NRXN3: variants seen among roughly 807,000 people sequenced by gnomAD.
NRXN3 encodes the protein neurexin III.
A neutral mutation model predicts 137.6 loss-of-function variants in NRXN3; 32 were observed. The observed-to-expected ratio is 0.23, with a 90% CI of 0.18 to 0.31. The LOEUF (loss-of-function observed/expected upper bound fraction) is 0.31. NRXN3 is among the 10% of genes least tolerant of loss of function. NRXN3 has a pLI of 1.00. For missense variants in NRXN3, 1,574 were observed against 2,062.5 expected (o/e 0.76, Z 4.59); for synonymous variants, 798 against 784.5 (o/e 1.02, Z -0.29).
chr14:78,518,774 C>T (rs1007087851), intron 4 of NRXN3, among the ~76,000 whole-genome samples: 1 of 152,068 alleles, frequency 6.6e-6, no homozygotes, highest in African/African-American at 2.4e-5. Flanking sequence ...TGGATACATC[C>T]TGAGGCAGGT....
chr14:79,739,323 G>A (rs1210304063), intron 19 of NRXN3, among the ~76,000 whole-genome samples: 1 of 152,034 alleles, frequency 6.6e-6, no homozygotes, highest in African/African-American at 2.4e-5. Flanking sequence ...AAAATGATTG[G>A]AGAAATACAA....
intron 2 of NRXN3, among the ~76,000 whole-genome samples, chr14:78,259,248 T>C (rs1429001340): frequency 6.6e-6 from 1 of 152,222 alleles, no homozygotes; most frequent in African/African-American, 2.4e-5. Context: ...ACAGAGTTTC[T>C]GGCTCTTAGA....
At chr14:78,915,861 G>C (rs1245013953) in intron 10 of NRXN3, among the ~76,000 whole-genome samples, 1 of 152,050 alleles carries the variant, frequency 6.6e-6, no homozygotes, top group African/African-American at 2.4e-5. Flanking sequence ...CCCAAGACAA[G>C]ACACTCAAGA....
At chr14:78,606,557 C>T (rs780004405) in intron 4 of NRXN3, among the ~76,000 whole-genome samples, 7 of 152,174 alleles carry the variant, frequency 4.6e-5, no homozygotes, top group Admixed American at 6.5e-5. Flanking sequence ...CGGTCTCTCC[C>T]GCTAGGCTGT....
chr14:79,608,790 T>G (rs1390369750), intron 16 of NRXN3, among the ~76,000 whole-genome samples: 4 of 152,170 alleles, frequency 2.6e-5, no homozygotes, highest in African/African-American at 9.7e-5. Flanking sequence ...TGATTTTTTT[T>G]TTCCTGCATA....
intron 15 of NRXN3, among the ~76,000 whole-genome samples, chr14:79,406,369 A>G (rs1599818339): frequency 6.6e-6 from 1 of 151,358 alleles, no homozygotes; most frequent in Admixed American, 6.6e-5. Flanking sequence ...CAGTGATTCA[A>G]TCCTGGCTCA....
intron 19 of NRXN3, among the ~76,000 whole-genome samples, chr14:79,706,001 A>T (rs534940052): frequency 5.0e-4 from 66 of 132,762 alleles, no homozygotes; most frequent in African/African-American, 1.7e-3. Flanking sequence ...ACCATCCACC[A>T]GTACCTTCTC....
At chr14:78,289,569 C>T (rs2075568211) in intron 3 of NRXN3, among the ~76,000 whole-genome samples, 1 of 151,716 alleles carries the variant, frequency 6.6e-6, no homozygotes, top group Admixed American at 6.6e-5. Flanking sequence ...ACTCTCTGTT[C>T]ATGCCAAATG....
intron 15 of NRXN3, among the ~76,000 whole-genome samples, chr14:79,434,301 C>T (rs776511590): frequency 2.1e-4 from 32 of 152,074 alleles, no homozygotes; most frequent in Admixed American, 1.2e-3. Flanking sequence ...GGCAGCCATG[C>T]GCACAGGTGC....
At chr14:79,386,010 A>G (rs944077666) in intron 15 of NRXN3, among the ~76,000 whole-genome samples, 8 of 152,206 alleles carry the variant, frequency 5.3e-5, no homozygotes, top group Non-Finnish European at 1.2e-4. Context: ...CTGAATGGGC[A>G]AAAACTGGAA....
At chr14:79,393,487 AAAG>A (rs2094920646) in intron 15 of NRXN3, among the ~76,000 whole-genome samples, 1 of 152,230 alleles carries the variant, frequency 6.6e-6, no homozygotes, top group African/African-American at 2.4e-5. Context: ...AGCCTGTTAC[AAAG>A]AAGAACAAAT....
chr14:79,103,939 G>A (rs765344017), intron 15 of NRXN3, among the ~76,000 whole-genome samples: 6 of 152,208 alleles, frequency 3.9e-5, no homozygotes, highest in Middle Eastern at 6.8e-3. Flanking sequence ...ATCTGCACAA[G>A]CAATAGACAC....
intron 14 of NRXN3, among the ~76,000 whole-genome samples, chr14:78,983,309 A>T (rs2093708382): frequency 6.6e-6 from 1 of 152,202 alleles, no homozygotes; most frequent in Non-Finnish European, 1.5e-5. Context: ...AGTCCAAAAT[A>T]ATTGAAGGCA....
chr14:78,996,232 G>A (rs1357946535), intron 15 of NRXN3, among the ~76,000 whole-genome samples: 1 of 152,008 alleles, frequency 6.6e-6, no homozygotes, highest in Non-Finnish European at 1.5e-5. Context: ...GTGCCCCAAT[G>A]TGCTGAATTC....
chr14:79,768,537 C>T (rs1047466021), intron 19 of NRXN3, among the ~76,000 whole-genome samples: 3 of 152,120 alleles, frequency 2.0e-5, no homozygotes, highest in Non-Finnish European at 4.4e-5. Flanking sequence ...TGGCAGGGTA[C>T]TCCAACGGAC....
intron 20 of NRXN3, among the ~76,000 whole-genome samples, chr14:79,827,240 A>G (rs2099306966): frequency 6.6e-6 from 1 of 152,172 alleles, no homozygotes; most frequent in African/African-American, 2.4e-5. Context: ...GACAGGTAAC[A>G]AGGCAGGGGT....
intron 6 of NRXN3, among the ~76,000 whole-genome samples, chr14:78,668,983 GATCT>G (rs1371603203): frequency 6.6e-6 from 1 of 151,606 alleles, no homozygotes; most frequent in East Asian, 1.9e-4. Flanking sequence ...TACCTACCTA[GATCT>G]ATCTGTCTAC....
chr14:79,334,226 G>T (rs1328297144), intron 15 of NRXN3, among the ~76,000 whole-genome samples: 6 of 152,002 alleles, frequency 3.9e-5, no homozygotes, highest in African/African-American at 1.2e-4. Flanking sequence ...ACTCTTCAAT[G>T]GTGCTATGAA....
At chr14:79,114,073 T>A (rs2053985792) in intron 15 of NRXN3, among the ~76,000 whole-genome samples, 1 of 152,220 alleles carries the variant, frequency 6.6e-6, no homozygotes, top group African/African-American at 2.4e-5. Context: ...TGGTTTCTTC[T>A]ACCCTTTTTC....
Sources: gnomAD v4.1 joint callset for allele counts (sites outside exome capture counted in the v4.1 genomes callset) on GRCh38, gnomAD v4.1.1 for gene constraint, MANE v1.5 for transcripts, NCBI Gene and HGNC (gene_info 2026-07-23, HGNC 2026-07-21) for gene names.